Variants in TLE4 observed in about 807,000 individuals in gnomAD.
The protein encoded by TLE4 is transducin-like enhancer protein 4.
Under a neutral mutation model 92.8 loss-of-function variants are expected in TLE4, and 8 were observed. That is an observed-to-expected ratio of 0.09 (90% CI 0.05 to 0.16). The LOEUF (loss-of-function observed/expected upper bound fraction) is 0.16, where lower values mean the gene tolerates loss of function less well. TLE4 is among the 10% of genes least tolerant of loss of function. TLE4 has a pLI of 1.00. For synonymous variants in TLE4, 371 were observed against 374.1 expected (o/e 0.99, Z 0.10); for missense variants, 675 against 997.6 (o/e 0.68, Z 4.36).
At chr9:79,599,430 G>A (rs2044994981) in intron 4 of TLE4, among the ~76,000 whole-genome samples, 1 of 152,202 alleles carries the variant, frequency 6.6e-6, no homozygotes, top group East Asian at 1.9e-4. Flanking sequence ...TGAGGCCTGG[G>A]TGTGGGTGTT....
chr9:79,704,403 A>G (rs2070901442), intron 8 of TLE4, among the ~76,000 whole-genome samples: 1 of 152,184 alleles, frequency 6.6e-6, no homozygotes, highest in Admixed American at 6.5e-5. Flanking sequence ...GTGAATCACC[A>G]TGCCCAGCCC....
At chr9:79,667,896 C>T (rs986630112) in intron 8 of TLE4, among the ~76,000 whole-genome samples, 1 of 152,248 alleles carries the variant, frequency 6.6e-6, no homozygotes, top group African/African-American at 2.4e-5. Context: ...TTTCTCTTTT[C>T]ATCTGCCTTT....
In TLE4 at chr9:79,620,129, A is replaced by T. The variant is rs535747230; in HGVS notation, c.316-7245A>T. Among the ~76,000 whole-genome samples, 446 of 152,362 alleles carry T rather than the reference A, an allele frequency of 2.9e-3. 1 individual carries two copies. Among genetic ancestry groups the T allele is most frequent in the Non-Finnish European group, 4.6e-3 (316 of 68,034 alleles). On this transcript the variant is annotated intron_variant, in intron 5 of 19. Coordinates refer to ENST00000376552, the MANE Select transcript of TLE4 (RefSeq NM_007005.6). Reference sequence around the variant, plus strand: ...TTTATCTGTATGTCTCAACAAATTAATGAGTGTTTGAGAACTGACTCATTT... The same window carrying T: ...TTTATCTGTATGTCTCAACAAATTATTGAGTGTTTGAGAACTGACTCATTT...
intron 4 of TLE4, among the ~76,000 whole-genome samples, chr9:79,581,185 C>T (rs761260699): frequency 9.9e-5 from 15 of 152,112 alleles, no homozygotes; most frequent in Non-Finnish European, 1.8e-4. Flanking sequence ...TTTAGTAAAT[C>T]TAAATGAGTG....
At chr9:79,588,566 A>G (rs1199566858) in intron 4 of TLE4, among the ~76,000 whole-genome samples, 1 of 152,338 alleles carries the variant, frequency 6.6e-6, no homozygotes, top group South Asian at 2.1e-4. Flanking sequence ...GCAAATTAAC[A>G]CACTAGATTA....
chr9:79,671,884 G>A (rs2062412790), intron 8 of TLE4, among the ~76,000 whole-genome samples: 1 of 148,680 alleles, frequency 6.7e-6, no homozygotes, highest in Non-Finnish European at 1.5e-5. Context: ...GTGATCCCTG[G>A]TTGCTTTGTT....
chr9:79,698,950 T>G (rs2069006334), intron 8 of TLE4, among the ~76,000 whole-genome samples: 1 of 151,548 alleles, frequency 6.6e-6, no homozygotes, highest in Non-Finnish European at 1.5e-5. Flanking sequence ...TTATCAGTTA[T>G]AAAGAGCTCA....
Position 79,718,841 on chromosome 9 carries a change from G to C in TLE4, c.1460G>C (p.Gly487Ala), listed in dbSNP as rs1282352117. ...HARQINTLNHGEVVCAVTISN... is the reference protein window; with the variant it reads ...HARQINTLNHAEVVCAVTISN... Reference sequence around the variant, plus strand: ...CGCCAGATCAACACCCTCAACCACGGGGAGGTGGTGTGCGCGGTGACCATC... The same window carrying C: ...CGCCAGATCAACACCCTCAACCACGCGGAGGTGGTGTGCGCGGTGACCATC... Residue 487 changes from glycine to alanine, a missense_variant, in exon 15 of 20, where the codon GGG (glycine) becomes GCG (alanine). Physicochemically the swap from Gly to Ala is moderately conservative, Grantham distance 60 (BLOSUM62 0). Coordinates refer to ENST00000376552, the MANE Select transcript of TLE4 (RefSeq NM_007005.6). The C allele has an allele frequency of 6.2e-6, 10 of 1,614,144 alleles. No individual in the cohort carries two copies. The highest frequency in any genetic ancestry group is 7.6e-6 in the Non-Finnish European group (9 of 1,180,034).
intron 4 of TLE4, among the ~76,000 whole-genome samples, chr9:79,589,019 T>G (rs62566850): frequency 0.039 from 5,899 of 152,134 alleles, 231 homozygotes; most frequent in African/African-American, 0.096. Flanking sequence ...CAACTTGGAG[T>G]TGCTACTGGC....
chr9:79,683,623 A>G (rs1003421518), intron 8 of TLE4, among the ~76,000 whole-genome samples: 2 of 152,188 alleles, frequency 1.3e-5, no homozygotes, highest in African/African-American at 4.8e-5. Context: ...AACTTTTTAT[A>G]TCTTGCCTTT....
At position 79,573,850 on chromosome 9, in the gene TLE4, CACAA is replaced by C. The variant is rs762789207; in HGVS notation, c.143+68_143+71del. On this transcript the variant is annotated intron_variant, in intron 2 of 19. Transcript: ENST00000376552. ...AGCTCTTGTCTCCCCGACAAATACA[CACAA>C]ACACTTACCCTCCTCCTTTTTTGTG... The C allele has an allele frequency of 5.8e-5, 70 of 1,216,578 alleles. 1 individual carries two copies. In the South Asian group the frequency reaches 1.1e-3, roughly 19 times the overall value. The allele number at this position is 1,216,578 out of a possible 1,614,324, so 75.4% of individuals were successfully genotyped here. A position where few individuals can be genotyped will look rare whatever the true frequency, so the allele number is the denominator to read the frequency against.
intron 5 of TLE4, among the ~76,000 whole-genome samples, chr9:79,619,570 A>G (rs1019873469): frequency 6.6e-6 from 1 of 152,146 alleles, no homozygotes; most frequent in African/African-American, 2.4e-5. Flanking sequence ...CAGGTTTGAT[A>G]TAGGAGAGCA....
chr9:79,696,026 G>C (rs1051345496), intron 8 of TLE4, among the ~76,000 whole-genome samples: 16 of 152,166 alleles, frequency 1.1e-4, no homozygotes, highest in African/African-American at 3.1e-4. Flanking sequence ...TTTTAGACCT[G>C]TGTTGTCTGA....
At chr9:79,632,777 G>T (rs559453088) in intron 6 of TLE4, among the ~76,000 whole-genome samples, 1 of 152,274 alleles carries the variant, frequency 6.6e-6, no homozygotes, top group South Asian at 2.1e-4. Context: ...CTATAAAATA[G>T]ATTTATCAGA....
At chr9:79,573,548 T>G in intron 1 of TLE4, 141 bp from the exon 2 acceptor site, 1 of 834,612 alleles carries the variant, frequency 1.2e-6, no homozygotes, top group Non-Finnish European at 1.7e-6. Context: ...CGAGGAGGGT[T>G]GCGGGAGGAG....
chr9:79,682,668 C>T (rs778989761), intron 8 of TLE4, among the ~76,000 whole-genome samples: 2 of 152,214 alleles, frequency 1.3e-5, no homozygotes, highest in Non-Finnish European at 2.9e-5. Flanking sequence ...CCATGAAACT[C>T]AGTTGCCTGA....
At position 79,660,037 on chromosome 9, in the gene TLE4, G is replaced by A. The variant is rs1465759355; in HGVS notation, c.609+5962G>A. Among the ~76,000 whole-genome samples the A allele has an allele frequency of 2.6e-5, 4 of 152,194 alleles. No homozygotes were observed. In the East Asian group the frequency reaches 7.7e-4, roughly 29 times the overall value. ...TACAGACAAACCTAGATTTCATTCT[G>A]TCCCATTCTCCCATCATAAGGAAAA... On this transcript the variant is annotated intron_variant, in intron 8 of 19. Coordinates refer to ENST00000376552, the MANE Select transcript of TLE4 (RefSeq NM_007005.6).
chr9:79,658,836 A>C (rs2060122634), intron 8 of TLE4, among the ~76,000 whole-genome samples: 1 of 152,244 alleles, frequency 6.6e-6, no homozygotes, highest in Non-Finnish European at 1.5e-5. Flanking sequence ...GAAATCATTG[A>C]AATCCACAGA....
chr9:79,709,718 CTG>C lies in TLE4; in HGVS notation c.1340+22_1340+23del. 6.2e-7 allele frequency: 1 copy of C among 1,612,712 alleles called. No individual in the cohort carries two copies. On this transcript the variant is annotated intron_variant, in intron 14 of 19. Transcript: ENST00000376552. ...GAAAACCGTGAGTACCTTTTTGCCT[CTG>C]TGCTCATTGTGTGTCAAACTCAGGT...
Sources: allele counts gnomAD v4.1 joint callset (sites outside exome capture counted in the v4.1 genomes callset), GRCh38; gene constraint gnomAD v4.1.1; transcripts MANE v1.5; gene names NCBI Gene and HGNC (gene_info 2026-07-23, HGNC 2026-07-21).